The following SPATA22 variants were observed in gnomAD, a reference collection of about 807,000 sequenced individuals.
SPATA22 encodes spermatogenesis associated 22.
A neutral mutation model predicts 47.8 loss-of-function variants in SPATA22; 29 were observed. The observed-to-expected ratio is 0.61, with a 90% CI of 0.45 to 0.83. SPATA22 has a LOEUF of 0.83. Ranked by LOEUF, SPATA22 falls within the 40% of genes least tolerant of loss-of-function variation. The probability of loss-of-function intolerance (pLI) is 0.00; values close to 1 mark genes in which losing one functional copy is unlikely to be tolerated. For missense variants in SPATA22, 410 were observed against 421.7 expected (o/e 0.97, Z 0.24); for synonymous variants, 133 against 140.9 (o/e 0.94, Z 0.40).
rs181373285 is a variant in SPATA22 at position 3,506,831 on chromosome 17, C to T, written c.-74+6581G>A. Among the ~76,000 whole-genome samples, 545 of 152,216 alleles carry T rather than the reference C, an allele frequency of 3.6e-3. 2 individuals carry two copies. The highest frequency in any genetic ancestry group is 5.7e-3 in the Non-Finnish European group (387 of 68,010). On this transcript the variant is annotated intron_variant, in intron 1 of 8. Transcript: ENST00000541913. ...TGGCGGGTGCCTGTAGTCCCAGCTA[C>T]TTGTGAGGCTGAGGCAGGAGAATTG... is the stretch of plus-strand genomic sequence containing the variant.
Position 3,471,681 on chromosome 17 carries a change from C to G in SPATA22, c.-74+1G>C, listed in dbSNP as rs904779843. 1.0e-6 allele frequency: 1 copy of G among 959,370 alleles called. No individual in the cohort carries two copies. The highest frequency in any genetic ancestry group is 2.6e-5 in the African/African-American group (1 of 38,576). The allele number at this position is 959,370 out of a possible 1,614,324, so 59.4% of individuals were successfully genotyped here. A position where few individuals can be genotyped will look rare whatever the true frequency, so the allele number is the denominator to read the frequency against. ...GTGGGGGCAGTTTGGTATCAACGCA[C>G]AGTCTTTCCCTTCTAGGCCCTCCTG... On this transcript the variant is annotated splice_donor_variant, in intron 1 of 8. Coordinates refer to ENST00000572969, the MANE Select transcript of SPATA22 (RefSeq NM_001170698.2). LOFTEE classifies it low-confidence loss of function (5UTR_SPLICE).
Position 3,462,686 on chromosome 17 carries a change from G to C in SPATA22, c.233+21C>G. On this transcript the variant is annotated intron_variant, in intron 4 of 8. Transcript: ENST00000572969. ...AGTTAGTAACAGACACACATCCAAT[G>C]GTTTATATTTCTCCACATACCCGGT... 2 of 1,603,064 alleles carry C rather than the reference G, an allele frequency of 1.2e-6. 1 individual carries two copies. Among genetic ancestry groups the C allele is most frequent in the South Asian group, 2.2e-5 (2 of 90,820 alleles).
chr17:3,494,572 A>G, intron 1 of SPATA22: 1 of 862,686 alleles, frequency 1.2e-6, no homozygotes, highest in Non-Finnish European at 1.9e-6. Context: ...TGCTCTCATT[A>G]GACACTGAGT....
intron 1 of SPATA22, among the ~76,000 whole-genome samples, chr17:3,508,430 G>T (rs55661938): frequency 0.57 from 85,348 of 151,010 alleles, 25,694 homozygotes; most frequent in South Asian, 0.7. Flanking sequence ...AAATCATGCT[G>T]CTATAAAGAC....
chr17:3,457,686 T>C (rs1204994473), intron 5 of SPATA22, among the ~76,000 whole-genome samples: 1 of 152,176 alleles, frequency 6.6e-6, no homozygotes, highest in Non-Finnish European at 1.5e-5. Context: ...TACATTTAAT[T>C]GATTTTCAAC....
In SPATA22 at chr17:3,493,601, G is replaced by C. The variant is rs564224662; in HGVS notation, c.-74+19811C>G. Among the ~76,000 whole-genome samples the C allele has an allele frequency of 2.7e-5, 4 of 145,814 alleles. No individual in the cohort carries two copies. The Admixed American group carries it at 2.8e-4, about 10-fold the overall frequency. On this transcript the variant is annotated intron_variant, in intron 1 of 8. Transcript: ENST00000541913. ...AAAAAAAAGGAAAGAAAAAGAGCAC[G>C]ATACTGAAGTCACCTCAGTTGCTGG...
intron 1 of SPATA22, chr17:3,494,393 A>G: frequency 1.2e-6 from 2 of 1,613,140 alleles, no homozygotes; most frequent in Non-Finnish European, 1.7e-6. Flanking sequence ...ATAAAATTAT[A>G]GAGAAAGTTG....
In SPATA22 at chr17:3,471,815, G is replaced by C; in HGVS notation, c.-207C>G. On this transcript the variant is annotated 5_prime_UTR_variant, in exon 1 of 9. Coordinates refer to ENST00000572969, the MANE Select transcript of SPATA22 (RefSeq NM_001170698.2). ...CTTCCCGCCCGCGAAGAAAGCGCGGGAATCAGGCTGTTCGCAGGCGCCGTG... is the reference window on the plus strand; with the variant it reads ...CTTCCCGCCCGCGAAGAAAGCGCGGCAATCAGGCTGTTCGCAGGCGCCGTG... 1 of 985,502 alleles carries C rather than the reference G, an allele frequency of 1.0e-6. No homozygotes were observed. The highest frequency in any genetic ancestry group is 1.2e-6 in the Non-Finnish European group (1 of 829,948). The allele number at this position is 985,502 out of a possible 1,614,324, so 61.0% of individuals were successfully genotyped here. A position where few individuals can be genotyped will look rare whatever the true frequency, so the allele number is the denominator to read the frequency against.
intron 1 of SPATA22, among the ~76,000 whole-genome samples, chr17:3,483,109 C>G (rs986986814): frequency 4.6e-5 from 7 of 151,938 alleles, no homozygotes; most frequent in African/African-American, 1.7e-4. Flanking sequence ...CTGTAGAGAG[C>G]TGGACCACAG....
At chr17:3,473,844 A>T (rs1339338672), upstream of SPATA22, among the ~76,000 whole-genome samples, 1 of 148,468 alleles carries the variant, frequency 6.7e-6, no homozygotes, top group African/African-American at 2.4e-5. Context: ...AGGCAACTCT[A>T]TCCCACAAAA....
upstream of SPATA22, among the ~76,000 whole-genome samples, chr17:3,472,992 G>A (rs78199085): frequency 0.037 from 5,576 of 151,724 alleles, 160 homozygotes; most frequent in East Asian, 0.11. Flanking sequence ...TTCCAGAGAG[G>A]AGTTACCCAA....
intron 1 of SPATA22, among the ~76,000 whole-genome samples, chr17:3,482,959 T>A (rs2073659045): frequency 8.5e-6 from 1 of 118,114 alleles, no homozygotes; most frequent in Non-Finnish European, 1.7e-5. Flanking sequence ...CCCCAATTCT[T>A]CATTGCCTAT....
chr17:3,471,600 G>A (rs1489761202), intron 1 of SPATA22, 82 bp downstream of exon 1: 2 of 985,172 alleles, frequency 2.0e-6, no homozygotes, highest in African/African-American at 1.8e-5. Flanking sequence ...GGAGAGAAGA[G>A]GCTCCAGTCC....
At chr17:3,458,357 C>T (rs1260048881) in intron 5 of SPATA22, among the ~76,000 whole-genome samples, 3 of 151,922 alleles carry the variant, frequency 2.0e-5, no homozygotes, top group Admixed American at 2.0e-4. Context: ...AAAAGGCAAT[C>T]CTTGTACACT....
Position 3,490,832 on chromosome 17 carries a change from G to T in SPATA22, c.-73-21434C>A, listed in dbSNP as rs1242108838. Among the ~76,000 whole-genome samples the T allele has an allele frequency of 1.3e-5, 2 of 152,154 alleles. No homozygotes were observed. The highest frequency in any genetic ancestry group is 2.9e-5 in the Non-Finnish European group (2 of 68,020). On this transcript the variant is annotated intron_variant, in intron 1 of 8. Coordinates refer to the SPATA22 transcript ENST00000541913. The surrounding 1 kb of genome is among the most constrained non-coding windows in gnomAD (Gnocchi z 4.6). ...TCCATAGAATCCTATCACAACGGTG[G>T]AGAAAAGCAGTTCCTGGAACACCCC...
At chr17:3,507,061 G>A (rs1396410517) in intron 1 of SPATA22, among the ~76,000 whole-genome samples, 1 of 151,858 alleles carries the variant, frequency 6.6e-6, no homozygotes, top group Non-Finnish European at 1.5e-5. Context: ...TTAGGAATGT[G>A]GGTGCAAATA....
intron 1 of SPATA22, among the ~76,000 whole-genome samples, chr17:3,496,557 G>A (rs1597447722): frequency 6.6e-6 from 1 of 152,166 alleles, no homozygotes; most frequent in East Asian, 1.9e-4. Context: ...TCCCTGGAGA[G>A]GAGGAGTGAG....
chr17:3,465,156 G>A (rs1311587859), intron 3 of SPATA22, among the ~76,000 whole-genome samples: 2 of 76,916 alleles, frequency 2.6e-5, no homozygotes, highest in Non-Finnish European at 5.2e-5. Flanking sequence ...GAGGGAGGTG[G>A]GGGGGTCAGC....
At position 3,485,022 on chromosome 17, in the gene SPATA22, G is replaced by GT. The variant is rs1242504902; in HGVS notation, c.-73-15625dup. 1.6e-3 allele frequency among the ~76,000 whole-genome samples: 241 copies of GT among 150,426 alleles called. No homozygotes were observed. The highest frequency in any genetic ancestry group is 4.4e-3 in the South Asian group (21 of 4,756). The stretch of plus-strand genomic sequence containing the variant: ...TGATCATCATTCACAGTAGGGTTTT[G>GT]TTTTGTTTTTTTTCTGGAAAAGGGT... On this transcript the variant is annotated intron_variant, in intron 1 of 8. Coordinates refer to the SPATA22 transcript ENST00000541913. The surrounding 1 kb of genome is among the most constrained non-coding windows in gnomAD (Gnocchi z 4.4).
Sources: allele counts gnomAD v4.1 joint callset (sites outside exome capture counted in the v4.1 genomes callset), GRCh38; gene constraint gnomAD v4.1.1; non-coding constraint Gnocchi (gnomAD v3.1); transcripts MANE v1.5; gene names NCBI Gene and HGNC (gene_info 2026-07-23, HGNC 2026-07-21).